The following PIK3C2A variants were observed in gnomAD, a reference collection of about 807,000 sequenced individuals.
PIK3C2A encodes the protein phosphatidylinositol 4-phosphate 3-kinase C2 domain-containing subunit alpha.
Under a neutral mutation model 204.5 loss-of-function variants are expected in PIK3C2A, and 97 were observed. The observed-to-expected ratio is 0.47, with a 90% CI of 0.40 to 0.56. PIK3C2A has a LOEUF of 0.56. Ranked by LOEUF, PIK3C2A falls within the 20% of genes least tolerant of loss-of-function variation. The pLI is 0.00. For synonymous variants in PIK3C2A, 653 were observed against 664.4 expected, an observed-to-expected ratio of 0.98 and a Z score of 0.26; for missense variants, 1,735 against 1,969.2, an observed-to-expected ratio of 0.88 and a Z score of 2.25.
intron 22 of PIK3C2A, among the ~76,000 whole-genome samples, chr11:17,107,461 T>C (rs1385906640): frequency 6.6e-6 from 1 of 152,232 alleles, no homozygotes; most frequent in African/African-American, 2.4e-5. Flanking sequence ...ACTGTATTTC[T>C]GTGTTTGAAA....
At chr11:17,201,132 T>C (rs1852357979) in intron 1 of PIK3C2A, among the ~76,000 whole-genome samples, 2 of 151,878 alleles carry the variant, frequency 1.3e-5, no homozygotes, top group Admixed American at 6.6e-5. Flanking sequence ...CTTGAACCTG[T>C]GAGGCGGAGG....
At chr11:17,098,919 G>C (rs1333307310) in intron 26 of PIK3C2A, among the ~76,000 whole-genome samples, 1 of 152,120 alleles carries the variant, frequency 6.6e-6, no homozygotes, top group African/African-American at 2.4e-5. Context: ...TTTTGACACA[G>C]AGTTTCGCTT....
intron 9 of PIK3C2A, among the ~76,000 whole-genome samples, chr11:17,135,677 A>ATATGTGTG (rs1849847130): frequency 6.8e-6 from 1 of 147,392 alleles, no homozygotes; most frequent in African/African-American, 2.5e-5. Context: ...AATTTCATAT[A>ATATGTGTG]TGTGTGTGTG....
At position 17,090,999 on chromosome 11, in the gene PIK3C2A, G is replaced by A. The variant is rs145639688; in HGVS notation, c.4878+335C>T. ...TGAGCTCAAGGGATGTATCCACCTC[G>A]GCCTCCCAAATTGCTAGGATTACAG... is the stretch of plus-strand genomic sequence containing the variant. On this transcript the variant is annotated intron_variant, in intron 32 of 32. Transcript: ENST00000691414. Among the ~76,000 whole-genome samples the A allele has an allele frequency of 7.9e-5, 12 of 151,140 alleles. 1 individual carries two copies. The East Asian group carries it at 1.4e-3, about 17-fold the overall frequency.
chr11:17,124,810 T>C (rs192845569), intron 13 of PIK3C2A, among the ~76,000 whole-genome samples: 53 of 152,342 alleles, frequency 3.5e-4, no homozygotes, highest in Non-Finnish European at 6.6e-4. Context: ...TTTTTTTCTA[T>C]TTATTTGTTG....
chr11:17,105,091 C>G, intron 23 of PIK3C2A, 78 bp downstream of exon 23: 4 of 1,115,382 alleles, frequency 3.6e-6, no homozygotes, highest in Non-Finnish European at 5.4e-6. Context: ...GTCACCAGAG[C>G]TGGAAAATGA....
At position 17,089,917 on chromosome 11, in the gene PIK3C2A, C is replaced by T; in HGVS notation, c.4882G>A (p.Val1628Ile). Reference protein sequence around the residue: ...TRNPTFNEMLVYSGYSKETLR... With the variant: ...TRNPTFNEMLIYSGYSKETLR... ...GTTTCTTTGCTATATCCACTGTATACAAGCTACAACAAAGGAAAAAAGAAC... is the reference window on the plus strand; with the variant it reads ...GTTTCTTTGCTATATCCACTGTATATAAGCTACAACAAAGGAAAAAAGAAC... The change falls in exon 33 of 33, where the codon GTA becomes ATA. Residue 1628 changes from valine to isoleucine, a missense_variant. Val to Ile is a conservative substitution (Grantham distance 29, BLOSUM62 3). This residue lies in a region of PIK3C2A where 503 missense variants were observed against 669.0 expected (regional missense o/e 0.75). Coordinates refer to ENST00000691414, the MANE Select transcript of PIK3C2A (RefSeq NM_002645.4). 4 of 1,545,202 alleles carry T rather than the reference C, an allele frequency of 2.6e-6. No individual in the cohort carries two copies. The highest frequency in any genetic ancestry group is 3.5e-6 in the Non-Finnish European group (4 of 1,142,244).
Position 17,117,504 on chromosome 11 carries a change from C to T in PIK3C2A, c.3203G>A (p.Gly1068Glu). 6.2e-7 allele frequency: 1 copy of T among 1,612,132 alleles called. No homozygotes were observed. Among genetic ancestry groups the T allele is most frequent in the Non-Finnish European group, 8.5e-7 (1 of 1,178,504 alleles). ...ATGGGTACATACCTGTCTGGCTGAT[C>T]CACTAGCCTGCCTTACTTTTTCTGC... ...GVAEKVRQAS[G>E]SARQVVLQRS... is the part of the protein sequence containing the mutation. Residue 1068 changes from glycine (G) to glutamate (E), a missense_variant, in exon 19 of 33, where the codon GGA becomes GAA. By Grantham distance (98) the Gly-to-Glu change is moderately conservative (BLOSUM62 -2). Transcript: ENST00000691414.
chr11:17,143,568 C>G (rs2137416278), intron 8 of PIK3C2A, among the ~76,000 whole-genome samples: 1 of 151,064 alleles, frequency 6.6e-6, no homozygotes, highest in South Asian at 2.1e-4. Context: ...ATCTCTGTTC[C>G]AACTACTCAA....
intron 11 of PIK3C2A, among the ~76,000 whole-genome samples, chr11:17,133,550 C>CT (rs34062283): frequency 1.3e-5 from 2 of 152,220 alleles, no homozygotes; most frequent in Admixed American, 6.5e-5. Flanking sequence ...CTTCAGTAGA[C>CT]TTTTTTATAG....
chr11:17,142,234 G>T (rs551048386), intron 8 of PIK3C2A, among the ~76,000 whole-genome samples: 1 of 152,290 alleles, frequency 6.6e-6, no homozygotes, highest in African/African-American at 2.4e-5. Flanking sequence ...TGAGTCTGGA[G>T]ATGTGGAAAA....
rs1185898698 is a variant in PIK3C2A at position 17,134,838 on chromosome 11, A to C, written c.2089T>G (p.Ser697Ala). 2.5e-6 allele frequency: 4 copies of C among 1,613,774 alleles called. No individual in the cohort carries two copies. Among genetic ancestry groups the C allele is most frequent in the Non-Finnish European group, 3.4e-6 (4 of 1,179,692 alleles). ...QFTIFAAHGI[S>A]SNWVSNYEKY... ...ACTTACTTTGATACCCAATTACTTG[A>C]AATTCCATGAGCAGCAAAAATAGTA... The change falls in exon 11 of 33, where the codon TCA (serine) becomes GCA (alanine). Residue 697 changes from serine to alanine, a missense_variant. This residue lies in a region of PIK3C2A where 567 missense variants were observed against 576.0 expected (regional missense o/e 0.98). Coordinates refer to ENST00000691414, the MANE Select transcript of PIK3C2A (RefSeq NM_002645.4).
intron 21 of PIK3C2A, 71 bp downstream of exon 21, chr11:17,112,503 A>T (rs1849033265): frequency 1.4e-6 from 1 of 690,422 alleles, no homozygotes; most frequent in Non-Finnish European, 2.5e-6. Context: ...TCACCTTTGC[A>T]ATTTTGGGAA....
In PIK3C2A at chr11:17,169,548, G is replaced by A; in HGVS notation, c.194C>T (p.Ala65Val). The A allele has an allele frequency of 6.2e-7, 1 of 1,614,090 alleles. No homozygotes were observed. Among genetic ancestry groups the A allele is most frequent in the Non-Finnish European group, 8.5e-7 (1 of 1,180,008 alleles). Residue 65 changes from alanine to valine, a missense_variant, in exon 2 of 33, where the codon GCA becomes GTA. This residue lies in a region of PIK3C2A where 536 missense variants were observed against 546.7 expected (regional missense o/e 0.98). Transcript: ENST00000691414. The stretch of plus-strand genomic sequence containing the variant: ...ATAATCCTGCTTGTTATAAACCTGT[G>A]CTTTTTTTCTGGTGCTGCTTGACAA... ...FELSSSTRKK[A>V]QVYNKQDYDL...
At chr11:17,125,189 A>G (rs2137358696) in intron 13 of PIK3C2A, among the ~76,000 whole-genome samples, 1 of 152,310 alleles carries the variant, frequency 6.6e-6, no homozygotes, top group Non-Finnish European at 1.5e-5. Flanking sequence ...AAAACAAAAA[A>G]CAAAAAAGGC....
intron 2 of PIK3C2A, among the ~76,000 whole-genome samples, chr11:17,165,721 G>C (rs1259450252): frequency 6.9e-6 from 1 of 145,224 alleles, no homozygotes; most frequent in Non-Finnish European, 1.5e-5. Context: ...GTTGCGGTGA[G>C]CTGAGATCAC....
chr11:17,167,892 G>A (rs1394169946), intron 2 of PIK3C2A, among the ~76,000 whole-genome samples: 1 of 152,026 alleles, frequency 6.6e-6, no homozygotes, highest in Non-Finnish European at 1.5e-5. Flanking sequence ...TGTTTAAAGG[G>A]AGAGTCCTTT....
intron 8 of PIK3C2A, among the ~76,000 whole-genome samples, chr11:17,138,689 T>C (rs1344699939): frequency 2.6e-5 from 4 of 152,156 alleles, no homozygotes; most frequent in African/African-American, 9.7e-5. Context: ...TTGTGGGCCA[T>C]ACAGTCTCTG....
At chr11:17,170,009 C>T (rs1166563041) in intron 1 of PIK3C2A, among the ~76,000 whole-genome samples, 4 of 152,200 alleles carry the variant, frequency 2.6e-5, no homozygotes. Context: ...TTCAGATACA[C>T]ATTACTTTAA....
Sources: allele counts gnomAD v4.1 joint callset (sites outside exome capture counted in the v4.1 genomes callset), GRCh38; gene constraint gnomAD v4.1.1; regional missense constraint gnomAD v4.1.1; transcripts MANE v1.5; gene names NCBI Gene and HGNC (gene_info 2026-07-23, HGNC 2026-07-21).